Variants in PABPC4L observed in about 807,000 individuals in gnomAD.
PABPC4L encodes the protein poly(A) binding protein cytoplasmic 4 like.
For synonymous variants in PABPC4L, 169 were observed against 164.1 expected (o/e 1.03, Z -0.23); for missense variants, 452 against 451.4 (o/e 1.00, Z -0.01).
the PABPC4L span, among the ~76,000 whole-genome samples, chr4:133,994,994 G>GT: frequency 6.6e-6 from 1 of 152,122 alleles, no homozygotes; most frequent in Non-Finnish European, 1.5e-5. Flanking sequence ...TTGGAGCAGA[G>GT]TAAGTCCAGT....
the PABPC4L span, among the ~76,000 whole-genome samples, chr4:133,991,258 T>A: frequency 6.6e-6 from 1 of 152,166 alleles, no homozygotes; most frequent in Non-Finnish European, 1.5e-5. Context: ...GTGTATAGAC[T>A]ATGGCATTTA....
At chr4:134,093,161 C>CT in the PABPC4L span, among the ~76,000 whole-genome samples, 1,209 of 145,736 alleles carry the variant, frequency 8.3e-3, 17 homozygotes, top group African/African-American at 0.025. Context: ...TTTTATGTAT[C>CT]TTTTTTTTTT....
the PABPC4L span, among the ~76,000 whole-genome samples, chr4:134,108,741 C>A: frequency 6.6e-5 from 10 of 151,838 alleles, 1 homozygote; most frequent in Admixed American, 6.6e-4. Flanking sequence ...AAATATATAA[C>A]CTAGACCCTG....
chr4:134,100,220 A>T, the PABPC4L span, among the ~76,000 whole-genome samples: 11 of 151,678 alleles, frequency 7.3e-5, no homozygotes, highest in Non-Finnish European at 1.3e-4. Flanking sequence ...AGCATCGAAC[A>T]ACTTTATAAT....
the PABPC4L span, among the ~76,000 whole-genome samples, chr4:133,964,337 C>CAA: frequency 0.068 from 10,036 of 146,952 alleles, 1,090 homozygotes; most frequent in African/African-American, 0.23. Context: ...TAAAAATTAC[C>CAA]AAAAAAAAAA....
chr4:134,150,663 C>T, the PABPC4L span, among the ~76,000 whole-genome samples: 125 of 152,258 alleles, frequency 8.2e-4, 1 homozygote, highest in African/African-American at 2.6e-3. Flanking sequence ...TTCACCTGGA[C>T]TCCTGGTACA....
chr4:134,003,044 G>T, the PABPC4L span, among the ~76,000 whole-genome samples: 1 of 151,774 alleles, frequency 6.6e-6, no homozygotes, highest in Non-Finnish European at 1.5e-5. Flanking sequence ...TTGCATGAAG[G>T]CTTAAATTCA....
the PABPC4L span, among the ~76,000 whole-genome samples, chr4:134,054,165 A>C: frequency 1.3e-3 from 195 of 149,372 alleles, no homozygotes; most frequent in African/African-American, 4.3e-3. Context: ...AGTCATCTTC[A>C]AGTCTATGAA....
the PABPC4L span, among the ~76,000 whole-genome samples, chr4:133,976,747 C>T: frequency 6.6e-6 from 1 of 152,094 alleles, no homozygotes; most frequent in South Asian, 2.1e-4. Flanking sequence ...TTGTTGGCTG[C>T]ATAAATGTCT....
the PABPC4L span, among the ~76,000 whole-genome samples, chr4:134,062,376 T>C: frequency 6.6e-6 from 1 of 152,028 alleles, no homozygotes; most frequent in Non-Finnish European, 1.5e-5. Flanking sequence ...TAAACTGACC[T>C]GCCAAAAGGT....
chr4:133,954,690 T>G, the PABPC4L span, among the ~76,000 whole-genome samples: 2 of 152,132 alleles, frequency 1.3e-5, no homozygotes, highest in East Asian at 3.9e-4. Flanking sequence ...CCCGTGTACA[T>G]TTACATTTAT....
At chr4:134,087,465 T>C in the PABPC4L span, among the ~76,000 whole-genome samples, 7 of 152,228 alleles carry the variant, frequency 4.6e-5, no homozygotes, top group African/African-American at 1.7e-4. Context: ...ATATATAAAC[T>C]TGCACACCCA....
chr4:134,136,788 T>C, the PABPC4L span, among the ~76,000 whole-genome samples: 1 of 152,072 alleles, frequency 6.6e-6, no homozygotes, highest in African/African-American at 2.4e-5. Flanking sequence ...TATCTTCTCT[T>C]TATTTTTCTT....
the PABPC4L span, among the ~76,000 whole-genome samples, chr4:134,163,744 C>A: frequency 6.6e-6 from 1 of 152,130 alleles, no homozygotes; most frequent in Non-Finnish European, 1.5e-5. Context: ...AAACGAAAGT[C>A]ATATGATCAT....
chr4:133,961,510 G>T, the PABPC4L span, among the ~76,000 whole-genome samples: 3 of 152,174 alleles, frequency 2.0e-5, no homozygotes, highest in South Asian at 4.1e-4. Context: ...AGGAGGTAAA[G>T]AAATAGCCAA....
the PABPC4L span, among the ~76,000 whole-genome samples, chr4:134,152,315 A>G: frequency 6.6e-6 from 1 of 152,170 alleles, no homozygotes; most frequent in Non-Finnish European, 1.5e-5. Flanking sequence ...ATGTTAGGAA[A>G]GTATATTGTA....
the PABPC4L span, among the ~76,000 whole-genome samples, chr4:134,139,877 C>T: frequency 6.6e-6 from 1 of 151,474 alleles, no homozygotes; most frequent in African/African-American, 2.4e-5. Context: ...AGGATGTTTC[C>T]CATAAAATAG....
chr4:134,169,109 A>G, the PABPC4L span, among the ~76,000 whole-genome samples: 6 of 152,208 alleles, frequency 3.9e-5, no homozygotes, highest in African/African-American at 1.4e-4. Context: ...TAACCATAAA[A>G]GGTGGGATTC....
chr4:133,998,988 C>CTGGGTATAGGGTATA, the PABPC4L span, among the ~76,000 whole-genome samples: 2 of 151,850 alleles, frequency 1.3e-5, no homozygotes, highest in South Asian at 4.1e-4. Context: ...TTAGAGGTGT[C>CTGGGTATAGGGTATA]CACCCTATAC....
Sources: allele counts gnomAD v4.1 joint callset (sites outside exome capture counted in the v4.1 genomes callset), GRCh38; gene constraint gnomAD v4.1.1; transcripts MANE v1.5; gene names NCBI Gene and HGNC (gene_info 2026-07-23, HGNC 2026-07-21).